The following ADK variants were observed in gnomAD, a reference collection of about 807,000 sequenced individuals.
ADK encodes N6,N6-dimethyladenosine kinase.
Under a neutral mutation model 44.7 loss-of-function variants are expected in ADK, and 24 were observed. The observed-to-expected ratio is 0.54, with a 90% CI of 0.39 to 0.76. The LOEUF (loss-of-function observed/expected upper bound fraction) is 0.76, where lower values mean the gene tolerates loss of function less well. Among genes scored for constraint, ADK ranks in the 30% least tolerant of loss-of-function variants. The pLI is 0.00. For missense variants in ADK, 321 were observed against 425.1 expected, an observed-to-expected ratio of 0.76 and a Z score of 2.15; for synonymous variants, 128 against 142.6, an observed-to-expected ratio of 0.90 and a Z score of 0.73.
chr10:74,544,906 T>A (rs1849773310), intron 7 of ADK, among the ~76,000 whole-genome samples: 1 of 151,852 alleles, frequency 6.6e-6, no homozygotes. Flanking sequence ...TTCTTTTTTT[T>A]TTTTTGAGAC....
At chr10:74,582,285 TG>T (rs1302054340) in intron 7 of ADK, among the ~76,000 whole-genome samples, 1 of 151,582 alleles carries the variant, frequency 6.6e-6, no homozygotes, top group African/African-American at 2.4e-5. Flanking sequence ...TATTCCATCC[TG>T]GGCAACAGAG....
intron 1 of ADK, among the ~76,000 whole-genome samples, chr10:74,198,917 A>G (rs1334889485): frequency 6.6e-6 from 1 of 152,214 alleles, no homozygotes; most frequent in Non-Finnish European, 1.5e-5. Context: ...ATAACATACA[A>G]GTATATGTAT....
At chr10:74,621,266 A>G (rs1852983773) in intron 9 of ADK, among the ~76,000 whole-genome samples, 1 of 152,176 alleles carries the variant, frequency 6.6e-6, no homozygotes, top group African/African-American at 2.4e-5. Context: ...GTCTAGTTCC[A>G]TTCTTATGCA....
At chr10:74,639,151 A>G (rs1008006917) in intron 9 of ADK, among the ~76,000 whole-genome samples, 6 of 152,184 alleles carry the variant, frequency 3.9e-5, no homozygotes, top group Non-Finnish European at 7.4e-5. Context: ...TTGAACCTGG[A>G]TATGTTAGAA....
At chr10:74,656,001 T>C (rs1854474973) in intron 9 of ADK, 1 of 652,030 alleles carries the variant, frequency 1.5e-6, no homozygotes, top group Middle Eastern at 2.7e-4. Context: ...AACCGCCTGC[T>C]CTTTCCTGCA....
chr10:74,555,122 C>A (rs1304165208), intron 7 of ADK, among the ~76,000 whole-genome samples: 1 of 151,972 alleles, frequency 6.6e-6, no homozygotes, highest in East Asian at 1.9e-4. Context: ...CATAGGGAGA[C>A]CCCGTCTCTA....
At chr10:74,221,918 C>G (rs1380706720) in intron 2 of ADK, among the ~76,000 whole-genome samples, 1 of 152,062 alleles carries the variant, frequency 6.6e-6, no homozygotes. Context: ...CATAAAAACC[C>G]TAGAGGAAAA....
chr10:74,494,624 G>C (rs1847613938), intron 6 of ADK, among the ~76,000 whole-genome samples: 1 of 151,974 alleles, frequency 6.6e-6, no homozygotes, highest in South Asian at 2.1e-4. Context: ...TATAAATCAT[G>C]TGCTCTGAAA....
At chr10:74,528,184 T>C in intron 7 of ADK, 1 of 745,682 alleles carries the variant, frequency 1.3e-6, no homozygotes, top group Non-Finnish European at 2.1e-6. Context: ...TTATTGAATA[T>C]GTATCTTTGT....
intron 6 of ADK, among the ~76,000 whole-genome samples, chr10:74,525,040 A>G (rs1589216260): frequency 1.3e-5 from 2 of 152,358 alleles, no homozygotes; most frequent in South Asian, 2.1e-4. Flanking sequence ...CTAGTATGAA[A>G]TAAGTAATGC....
intron 6 of ADK, chr10:74,423,545 C>T: frequency 4.5e-6 from 1 of 224,180 alleles, no homozygotes; most frequent in Admixed American, 5.2e-5. Flanking sequence ...CTTCTTAGCT[C>T]TCGCCGTGTA....
At chr10:74,480,620 T>G (rs949281793) in intron 6 of ADK, among the ~76,000 whole-genome samples, 22 of 152,108 alleles carry the variant, frequency 1.4e-4, no homozygotes, top group Non-Finnish European at 3.1e-4. Context: ...AATTTCTTAC[T>G]CTTAATTTTA....
intron 4 of ADK, among the ~76,000 whole-genome samples, chr10:74,364,016 A>G (rs1180528625): frequency 1.3e-5 from 2 of 152,214 alleles, no homozygotes; most frequent in Non-Finnish European, 2.9e-5. Context: ...ACTCAGAGAC[A>G]CACCCACAGG....
intron 6 of ADK, among the ~76,000 whole-genome samples, chr10:74,505,778 T>C (rs1317978109): frequency 6.6e-6 from 1 of 152,166 alleles, no homozygotes; most frequent in Non-Finnish European, 1.5e-5. Context: ...TAGATTACCA[T>C]GTGTAATGAT....
At chr10:74,490,282 T>TA (rs906748848) in intron 6 of ADK, among the ~76,000 whole-genome samples, 7 of 152,116 alleles carry the variant, frequency 4.6e-5, no homozygotes, top group African/African-American at 1.7e-4. Flanking sequence ...TGTCTTTTTG[T>TA]AAAAATACCT....
chr10:74,380,183 T>C (rs1449200467), intron 4 of ADK, among the ~76,000 whole-genome samples: 3 of 152,174 alleles, frequency 2.0e-5, no homozygotes, highest in Admixed American at 6.5e-5. Context: ...GGAATCTCCA[T>C]GAAAATAAGG....
At chr10:74,355,010 C>G (rs1185848912) in intron 4 of ADK, among the ~76,000 whole-genome samples, 1 of 152,152 alleles carries the variant, frequency 6.6e-6, no homozygotes, top group African/African-American at 2.4e-5. Context: ...TTTGTCTGTA[C>G]TGGGGTCAGT....
intron 4 of ADK, among the ~76,000 whole-genome samples, chr10:74,357,604 T>C (rs960792645): frequency 2.6e-5 from 4 of 152,032 alleles, no homozygotes; most frequent in Non-Finnish European, 4.4e-5. Context: ...CCTAGCCCTT[T>C]GTGATTTTTT....
At chr10:74,536,495 A>C (rs796642375) in intron 7 of ADK, among the ~76,000 whole-genome samples, 26 of 151,960 alleles carry the variant, frequency 1.7e-4, no homozygotes, top group African/African-American at 6.0e-4. Context: ...AAAAAAATAC[A>C]CAATATAAAA....
Sources: allele counts gnomAD v4.1 joint callset (sites outside exome capture counted in the v4.1 genomes callset), GRCh38; gene constraint gnomAD v4.1.1; transcripts MANE v1.5; gene names NCBI Gene and HGNC (gene_info 2026-07-23, HGNC 2026-07-21).